Variants in IGLON5 observed in about 807,000 individuals in gnomAD.
IGLON5 encodes IgLON family member 5.
In IGLON5, 16 loss-of-function variants were observed where a neutral mutation model predicts 38.2. The observed-to-expected ratio is 0.42, with a 90% CI of 0.28 to 0.64. The LOEUF is 0.64. Ranked by LOEUF, IGLON5 falls within the 30% of genes least tolerant of loss-of-function variation. The probability of loss-of-function intolerance (pLI) is 0.23; values close to 1 mark genes in which losing one functional copy is unlikely to be tolerated. For synonymous variants in IGLON5, 207 were observed against 216.4 expected (o/e 0.96, Z 0.38); for missense variants, 366 against 483.4 (o/e 0.76, Z 2.28).
chr19:51,312,761 G>T (rs1193892845), intron 1 of IGLON5, among the ~76,000 whole-genome samples: 1 of 152,082 alleles, frequency 6.6e-6, no homozygotes, highest in Non-Finnish European at 1.5e-5. Flanking sequence ...GGCCCGGCCC[G>T]GCCCTCCCAG....
Position 51,327,609 on chromosome 19 carries a change from AGGCGATG to A in IGLON5, c.768-120_768-114del. On this transcript the variant is annotated intron_variant, in intron 6 of 7. Transcript: ENST00000270642. This position sits in a 1 kb window ranked among gnomAD's most constrained non-coding sequence, Gnocchi z 7.1. ...GAGGTACATGAGGTGCTAGAACCCGAGGCGATGGGTCACTGGGGTAGGGGGCAGAATG... is the reference window on the plus strand; with the variant it reads ...GAGGTACATGAGGTGCTAGAACCCGAGGTCACTGGGGTAGGGGGCAGAATG... 1 of 1,384,620 alleles carries A rather than the reference AGGCGATG, an allele frequency of 7.2e-7. No individual in the cohort carries two copies. Among genetic ancestry groups the A allele is most frequent in the South Asian group, 1.4e-5 (1 of 73,872 alleles). The allele number at this position is 1,384,620 out of a possible 1,614,324, so 85.8% of individuals were successfully genotyped here.
At chr19:51,323,586 C>A in intron 2 of IGLON5, 76 bp from the exon 3 acceptor site, 1 of 1,309,678 alleles carries the variant, frequency 7.6e-7, no homozygotes, top group Non-Finnish European at 1.1e-6. Context: ...GCCTCCTTCT[C>A]CCACCCACCC....
At chr19:51,319,364 A>G (rs1289731779) in intron 1 of IGLON5, among the ~76,000 whole-genome samples, 1 of 151,532 alleles carries the variant, frequency 6.6e-6, no homozygotes, top group Non-Finnish European at 1.5e-5. Context: ...AGGAGACAAC[A>G]TGACCTGATT....
rs372670295 is a variant in IGLON5, at chr19:51,325,443, G to T, written c.489G>T (p.Thr163=). 3.7e-6 allele frequency: 6 copies of T among 1,613,446 alleles called. No homozygotes were observed. Among genetic ancestry groups the T allele is most frequent in the Admixed American group, 3.3e-5 (2 of 59,952 alleles). The change falls in exon 4 of 8, where the codon ACG becomes ACT. Residue 163 remains threonine (T), a synonymous_variant. Transcript: ENST00000270642. The surrounding 1 kb of genome is among the most constrained non-coding windows in gnomAD (Gnocchi z 5.5). ...TGGCCGTGGGGCGGCCAGAGCCCAC[G>T]GTCACCTGGAGACAGCTCCGAGGTG... ...LCLAVGRPEP[T]VTWRQLRDGF...
At position 51,330,150 on chromosome 19, in the gene IGLON5, G is replaced by T. The variant is rs192455787; in HGVS notation, c.*1391G>T. 6.6e-6 allele frequency: 1 copy of T among 152,366 alleles called. No homozygotes were observed. Among genetic ancestry groups the T allele is most frequent in the African/African-American group, 2.4e-5 (1 of 41,556 alleles). The allele number at this position is 152,366 out of a possible 1,614,324, so 9.4% of individuals were successfully genotyped here. A position where few individuals can be genotyped will look rare whatever the true frequency, so the allele number is the denominator to read the frequency against. ...AAACCACACCACCCAGAGTCTGGTG[G>T]AGAAAAGGAGAGGGCAAGGCGCAGT... On this transcript the variant is annotated 3_prime_UTR_variant, in exon 8 of 8. Coordinates refer to ENST00000270642, the MANE Select transcript of IGLON5 (RefSeq NM_001101372.3).
chr19:51,313,643 C>CTT (rs1464514053), intron 1 of IGLON5, among the ~76,000 whole-genome samples: 32 of 96,344 alleles, frequency 3.3e-4, no homozygotes, highest in East Asian at 1.1e-3. Flanking sequence ...CTCTCTCTCT[C>CTT]TCTTTTTCTT....
Position 51,323,770 on chromosome 19 carries a change from C to G in IGLON5, c.267C>G (p.Ile89Met). 6 of 1,613,932 alleles carry G rather than the reference C, an allele frequency of 3.7e-6. No homozygotes were observed. Among genetic ancestry groups the G allele is most frequent in the Non-Finnish European group, 3.4e-6 (4 of 1,179,866 alleles). ...WTSDPRVRLLINTPEEFSILI... is the reference protein window; with the variant it reads ...WTSDPRVRLLMNTPEEFSILI... ...GCGACCCGCGGGTGCGGCTGCTCAT[C>G]AACACCCCCGAGGAGTTCTCCATCC... Residue 89 changes from isoleucine (I) to methionine (M), a missense_variant, in exon 3 of 8, where the codon ATC becomes ATG. Ile to Met is a conservative substitution (Grantham distance 10, BLOSUM62 1). Transcript: ENST00000270642.
rs1284657868 is a variant in IGLON5, at chr19:51,330,851, C to G, written c.*2092C>G. On this transcript the variant is annotated 3_prime_UTR_variant, in exon 8 of 8. Coordinates refer to ENST00000270642, the MANE Select transcript of IGLON5 (RefSeq NM_001101372.3). ...TCAAAACTTAACTGATGCCCATTTTCACTTATATAAGCAATAAAGTCCCCT... is the reference window on the plus strand; with the variant it reads ...TCAAAACTTAACTGATGCCCATTTTGACTTATATAAGCAATAAAGTCCCCT... Among the ~76,000 whole-genome samples, 3 of 152,116 alleles carry G rather than the reference C, an allele frequency of 2.0e-5. No individual in the cohort carries two copies. Among genetic ancestry groups the G allele is most frequent in the African/African-American group, 7.2e-5 (3 of 41,418 alleles).
In IGLON5 at chr19:51,327,855, G is replaced by A. The variant is rs1985256243; in HGVS notation, c.891G>A (p.Leu297=). Residue 297 remains leucine (L), a synonymous_variant, in exon 7 of 8, where the codon CTG becomes CTA. Transcript: ENST00000270642. The surrounding 1 kb of genome is among the most constrained non-coding windows in gnomAD (Gnocchi z 7.1). Reference sequence around the variant, plus strand: ...ATACGTGTCGCGCCGCCAACCGACTGGGAGCGTCCAGCGCCTCCATGCGGC... The same window carrying A: ...ATACGTGTCGCGCCGCCAACCGACTAGGAGCGTCCAGCGCCTCCATGCGGC... ...GNYTCRAANR[L]GASSASMRLL... is the part of the protein sequence containing the mutation. 6.5e-7 allele frequency: 1 copy of A among 1,542,644 alleles called. No homozygotes were observed. Among genetic ancestry groups the A allele is most frequent in the African/African-American group, 1.4e-5 (1 of 72,666 alleles).
rs1470597417 is a variant in IGLON5 at position 51,327,456 on chromosome 19, A to AT, written c.767+257dup. ...CAGGGGTCGGGGGTCAATGCTGAGGATCTGTCGGGCAAGATTTAGGGGACC... is the reference window on the plus strand; with the variant it reads ...CAGGGGTCGGGGGTCAATGCTGAGGATTCTGTCGGGCAAGATTTAGGGGACC... On this transcript the variant is annotated intron_variant, in intron 6 of 7. Transcript: ENST00000270642. This position sits in a 1 kb window ranked among gnomAD's most constrained non-coding sequence, Gnocchi z 7.1. Among the ~76,000 whole-genome samples the AT allele has an allele frequency of 6.6e-6, 1 of 151,972 alleles. No individual in the cohort carries two copies. Among genetic ancestry groups the AT allele is most frequent in the East Asian group, 1.9e-4 (1 of 5,160 alleles).
Position 51,325,463 on chromosome 19 carries a change from G to A in IGLON5, c.509G>A (p.Arg170Gln), listed in dbSNP as rs774957604. The part of the protein sequence containing the change: ...PEPTVTWRQL[R>Q]DGFTSEGEIL... ...CCCACGGTCACCTGGAGACAGCTCC[G>A]AGGTGAGGACCCCATCCCAGGTCAA... is the stretch of plus-strand genomic sequence containing the variant. Residue 170 changes from arginine (R) to glutamine (Q), a missense_variant and splice_region_variant, in exon 4 of 8, where the codon CGA becomes CAA. Arg to Gln is a conservative substitution (Grantham distance 43). Coordinates refer to ENST00000270642, the MANE Select transcript of IGLON5 (RefSeq NM_001101372.3). The surrounding 1 kb of genome is among the most constrained non-coding windows in gnomAD (Gnocchi z 5.5). The A allele has an allele frequency of 1.6e-5, 25 of 1,611,080 alleles. No homozygotes were observed. Among genetic ancestry groups the A allele is most frequent in the Admixed American group, 1.5e-4 (9 of 59,640 alleles).
At position 51,323,806 on chromosome 19, in the gene IGLON5, G is replaced by A. The variant is rs768786712; in HGVS notation, c.303G>A (p.Glu101=). ...TPEEFSILIT[E]VGLGDEGLYT... is the part of the protein sequence containing the mutation. ...AGGAGTTCTCCATCCTCATCACCGAGGTGGGGCTCGGCGACGAGGGCCTCT... is the reference window on the plus strand; with the variant it reads ...AGGAGTTCTCCATCCTCATCACCGAAGTGGGGCTCGGCGACGAGGGCCTCT... Residue 101 remains glutamate, a synonymous_variant, in exon 3 of 8, where the codon GAG becomes GAA. Coordinates refer to ENST00000270642, the MANE Select transcript of IGLON5 (RefSeq NM_001101372.3). 1.2e-6 allele frequency: 2 copies of A among 1,613,540 alleles called. No homozygotes were observed. The highest frequency in any genetic ancestry group is 1.1e-5 in the South Asian group (1 of 91,010).
intron 7 of IGLON5, among the ~76,000 whole-genome samples, 166 bp from the exon 8 acceptor site, chr19:51,328,497 CAAAAAAAG>C (rs1985270091): frequency 2.6e-5 from 2 of 75,732 alleles, no homozygotes; most frequent in South Asian, 9.4e-4. Context: ...GACTCCGTCT[CAAAAAAAG>C]AAAAAAAAAA....
In IGLON5 at chr19:51,311,650, G is replaced by A. The variant is rs1324477964; in HGVS notation, c.-198G>A. Among the ~76,000 whole-genome samples the A allele has an allele frequency of 1.6e-5, 2 of 127,550 alleles. No individual in the cohort carries two copies. Among genetic ancestry groups the A allele is most frequent in the Admixed American group, 8.6e-5 (1 of 11,632 alleles). 83.7% of individuals were successfully genotyped at this position (127,550 alleles called of 152,430 possible). A position where few individuals can be genotyped will look rare whatever the true frequency, so the allele number is the denominator to read the frequency against. On this transcript the variant is annotated 5_prime_UTR_variant, in exon 1 of 8. Transcript: ENST00000270642. ...TTGGCCGGTCTCCCTGCCCGTCAGC[G>A]CCGCCCCCCTCCCCGGGTCTGCAGC...
intron 1 of IGLON5, among the ~76,000 whole-genome samples, chr19:51,318,940 G>T (rs995274757): frequency 6.6e-6 from 1 of 152,188 alleles, no homozygotes; most frequent in Non-Finnish European, 1.5e-5. Flanking sequence ...GGGGAAGGGG[G>T]TGTGTGATTT....
At chr19:51,328,420 G>T (rs1343424829) in intron 7 of IGLON5, among the ~76,000 whole-genome samples, 1 of 150,912 alleles carries the variant, frequency 6.6e-6, no homozygotes, top group Non-Finnish European at 1.5e-5. Context: ...GCTGAGGCAA[G>T]AGGATTGCTT....
intron 1 of IGLON5, 79 bp from the exon 2 acceptor site, chr19:51,321,985 G>T: frequency 8.8e-7 from 1 of 1,140,516 alleles, no homozygotes; most frequent in Non-Finnish European, 1.3e-6. Flanking sequence ...AAGGACGTGC[G>T]TGTGCACATG....
At chr19:51,314,661 A>G (rs1311916755) in intron 1 of IGLON5, among the ~76,000 whole-genome samples, 10 of 152,166 alleles carry the variant, frequency 6.6e-5, no homozygotes, top group African/African-American at 2.2e-4. Context: ...ACAGAACGAG[A>G]TGCCAGAAAG....
chr19:51,312,286 T>G (rs1599820795), intron 1 of IGLON5, among the ~76,000 whole-genome samples: 1 of 149,258 alleles, frequency 6.7e-6, no homozygotes, highest in African/African-American at 2.5e-5. Flanking sequence ...GGTCCCCGGG[T>G]CGGATCTCCG....
Sources: allele counts gnomAD v4.1 joint callset (sites outside exome capture counted in the v4.1 genomes callset), GRCh38; gene constraint gnomAD v4.1.1; non-coding constraint Gnocchi (gnomAD v3.1); transcripts MANE v1.5; gene names NCBI Gene and HGNC (gene_info 2026-07-23, HGNC 2026-07-21).